Variants in RYR2 observed in about 807,000 individuals in gnomAD.
RYR2 encodes the protein cardiac muscle ryanodine receptor-calcium release channel.
Under a neutral mutation model 601.1 loss-of-function variants are expected in RYR2, and 227 were observed. That is an observed-to-expected ratio of 0.38 (90% CI 0.34 to 0.42). RYR2 has a LOEUF of 0.42. Ranked by LOEUF, RYR2 falls within the 10% of genes least tolerant of loss-of-function variation. RYR2 has a pLI of 1.00. For synonymous variants in RYR2, 2,223 were observed against 2,175.1 expected (o/e 1.02, Z -0.61); for missense variants, 4,646 against 6,156.5 (o/e 0.75, Z 8.21).
intron 12 of RYR2, among the ~76,000 whole-genome samples, chr1:237,423,767 C>A (rs763747493): frequency 6.6e-6 from 1 of 152,140 alleles, no homozygotes; most frequent in Non-Finnish European, 1.5e-5. Context: ...TTCTTATATG[C>A]GGACCTTCAT....
intron 25 of RYR2, among the ~76,000 whole-genome samples, chr1:237,546,832 T>G (rs1331368349): frequency 6.6e-6 from 1 of 151,804 alleles, no homozygotes; most frequent in Non-Finnish European, 1.5e-5. Flanking sequence ...TACCATGTAT[T>G]GGTCACTATT....
intron 16 of RYR2, among the ~76,000 whole-genome samples, chr1:237,459,808 C>T (rs976707179): frequency 2.0e-5 from 3 of 152,234 alleles, no homozygotes; most frequent in African/African-American, 7.2e-5. Context: ...GGTATGAACA[C>T]GGTTCCTGCT....
At chr1:237,579,248 C>CTTT (rs546960253) in intron 29 of RYR2, among the ~76,000 whole-genome samples, 85 of 68,102 alleles carry the variant, frequency 1.2e-3, no homozygotes, top group African/African-American at 3.7e-3. Context: ...TCTTCTTCTT[C>CTTT]TTTTTTTTTT....
chr1:237,694,774 A>G (rs1167354670), intron 63 of RYR2, among the ~76,000 whole-genome samples: 3 of 152,300 alleles, frequency 2.0e-5, no homozygotes, highest in Admixed American at 6.5e-5. Flanking sequence ...CTCCTCACCA[A>G]ATTAGGGAAC....
intron 98 of RYR2, among the ~76,000 whole-genome samples, chr1:237,805,150 G>A (rs59177360): frequency 0.028 from 4,321 of 152,118 alleles, 185 homozygotes; most frequent in African/African-American, 0.098. Context: ...TTTCTCTGTC[G>A]GAGGATAAAT....
chr1:237,368,950 A>C (rs2149752191), intron 5 of RYR2, among the ~76,000 whole-genome samples: 1 of 152,110 alleles, frequency 6.6e-6, no homozygotes, highest in South Asian at 2.1e-4. Flanking sequence ...CAGCCTCCCG[A>C]GTAGCTGGGA....
At position 237,355,967 on chromosome 1, in the gene RYR2, A is replaced by G. The variant is rs747634644; in HGVS notation, c.276A>G (p.Gln92=). 6.2e-7 allele frequency: 1 copy of G among 1,605,254 alleles called. No homozygotes were observed. The highest frequency in any genetic ancestry group is 1.1e-5 in the South Asian group (1 of 89,486). ...LANTVEKSEG[Q]VDVEKWKFMM... ...ATTTTGGCTTTTTCTTTCCACAGCA[A>G]GTTGATGTGGAAAAATGGGTATGTG... is the stretch of plus-strand genomic sequence containing the variant. The change falls in exon 4 of 105, where the codon CAA becomes CAG. Residue 92 remains glutamine (Q), a splice_region_variant and synonymous_variant. Coordinates refer to ENST00000366574, the MANE Select transcript of RYR2 (RefSeq NM_001035.3).
intron 58 of RYR2, 39 bp from the exon 59 acceptor site, chr1:237,674,057 A>C: frequency 6.4e-7 from 1 of 1,561,384 alleles, no homozygotes; most frequent in Non-Finnish European, 8.7e-7. Flanking sequence ...GATTCTTTTC[A>C]AATTACTATG....
At chr1:237,156,039 C>G (rs574928517) in intron 1 of RYR2, among the ~76,000 whole-genome samples, 2 of 152,222 alleles carry the variant, frequency 1.3e-5, no homozygotes, top group Non-Finnish European at 2.9e-5. Context: ...CTCTCTAACT[C>G]TGGTTAGACA....
chr1:237,569,794 A>G (rs1363289209), intron 29 of RYR2, among the ~76,000 whole-genome samples: 2 of 152,174 alleles, frequency 1.3e-5, no homozygotes, highest in Admixed American at 1.3e-4. Flanking sequence ...GGAGGTTGAC[A>G]CTTGTACAGT....
chr1:237,471,507 T>TA (rs1660718485), intron 17 of RYR2, among the ~76,000 whole-genome samples: 1 of 152,146 alleles, frequency 6.6e-6, no homozygotes, highest in African/African-American at 2.4e-5. Flanking sequence ...AGAAGACATT[T>TA]AAAAAATGCT....
At chr1:237,275,946 A>G (rs1323464788) in intron 2 of RYR2, among the ~76,000 whole-genome samples, 1 of 152,236 alleles carries the variant, frequency 6.6e-6, no homozygotes, top group Non-Finnish European at 1.5e-5. Context: ...ATTAAAATGT[A>G]CACTATTAAT....
intron 20 of RYR2, 121 bp downstream of exon 20, chr1:237,496,873 G>T: frequency 3.4e-6 from 4 of 1,185,840 alleles, no homozygotes; most frequent in Non-Finnish European, 1.2e-6. Flanking sequence ...CAGAAATTTA[G>T]CATTGAGATG....
chr1:237,614,565 A>G lies in RYR2; in HGVS notation c.5437A>G (p.Thr1813Ala). The G allele has an allele frequency of 2.5e-6, 4 of 1,614,042 alleles. No homozygotes were observed. The highest frequency in any genetic ancestry group is 3.4e-6 in the Non-Finnish European group (4 of 1,179,902). Residue 1813 changes from threonine (T) to alanine (A), a missense_variant, in exon 37 of 105, where the codon ACT (threonine) becomes GCT (alanine). Thr to Ala is a moderately conservative substitution (Grantham distance 58, BLOSUM62 0). Transcript: ENST00000366574. The surrounding 1 kb of genome is among the most constrained non-coding windows in gnomAD (Gnocchi z 4.3). The stretch of plus-strand genomic sequence containing the variant: ...TCATGCCCGGGACCCAGTTGGAGGG[A>G]CTACTGAATTCCTCTTTGTACCTCT... ...SLHARDPVGGTTEFLFVPLIK... is the reference protein window; with the variant it reads ...SLHARDPVGGATEFLFVPLIK...
At chr1:237,592,857 C>T (rs1675373169) in intron 32 of RYR2, among the ~76,000 whole-genome samples, 1 of 150,804 alleles carries the variant, frequency 6.6e-6, no homozygotes, top group Admixed American at 6.6e-5. Flanking sequence ...CCCGTCTTTA[C>T]TAAAAATATA....
intron 2 of RYR2, among the ~76,000 whole-genome samples, chr1:237,324,110 T>C (rs1429794944): frequency 6.6e-6 from 1 of 152,164 alleles, no homozygotes; most frequent in African/African-American, 2.4e-5. Context: ...TGAAGCAATG[T>C]AAAGAGGAAA....
chr1:237,679,587 G>C (rs1363623855), intron 61 of RYR2, among the ~76,000 whole-genome samples: 2 of 152,186 alleles, frequency 1.3e-5, no homozygotes, highest in African/African-American at 2.4e-5. Flanking sequence ...AGTTCTGGAG[G>C]CCAGGAAAGG....
At chr1:237,294,630 T>A in intron 2 of RYR2, among the ~76,000 whole-genome samples, 1 of 152,190 alleles carries the variant, frequency 6.6e-6, no homozygotes, top group East Asian at 1.9e-4. Flanking sequence ...ATTTTAAAAT[T>A]ATACTTGCAA....
intron 29 of RYR2, among the ~76,000 whole-genome samples, chr1:237,585,036 C>G (rs1674372963): frequency 6.6e-6 from 1 of 152,060 alleles, no homozygotes; most frequent in African/African-American, 2.4e-5. Flanking sequence ...TGCCTTGGCC[C>G]TGCTGTTTTA....
Sources: gnomAD v4.1 joint callset for allele counts (sites outside exome capture counted in the v4.1 genomes callset) on GRCh38, gnomAD v4.1.1 for gene constraint, Gnocchi (gnomAD v3.1) non-coding constraint, MANE v1.5 for transcripts, NCBI Gene and HGNC (gene_info 2026-07-23, HGNC 2026-07-21) for gene names.